SLC35F3: variants seen among roughly 807,000 people sequenced by gnomAD.
SLC35F3 encodes solute carrier family 35 member F3, also known as putative thiamine transporter SLC35F3.
SLC35F3 carries 25 observed loss-of-function variants against 49.9 expected under a neutral mutation model. The ratio of observed to expected loss-of-function variants is 0.50; its 90% CI spans 0.37 to 0.70. The LOEUF is 0.70. SLC35F3 is among the 30% of genes least tolerant of loss of function. SLC35F3 has a pLI of 0.00. For synonymous variants in SLC35F3, 275 were observed against 265.4 expected (o/e 1.04, Z -0.35); for missense variants, 525 against 639.8 (o/e 0.82, Z 1.94).
chr1:234,232,535 A>AG (rs1280270505), intron 3 of SLC35F3, among the ~76,000 whole-genome samples: 360 of 144,780 alleles, frequency 2.5e-3, no homozygotes, highest in African/African-American at 7.9e-3. Flanking sequence ...AAAAAAAAAA[A>AG]AAAAAGAAAA....
At chr1:233,913,491 A>G (rs1057289109) in intron 2 of SLC35F3, among the ~76,000 whole-genome samples, 9 of 152,214 alleles carry the variant, frequency 5.9e-5, no homozygotes, top group Admixed American at 2.6e-4. Context: ...TTGCAGATAG[A>G]AAGCTCTCTA....
At chr1:234,200,741 T>C (rs1405059504) in intron 2 of SLC35F3, among the ~76,000 whole-genome samples, 1 of 152,226 alleles carries the variant, frequency 6.6e-6, no homozygotes, top group Non-Finnish European at 1.5e-5. Flanking sequence ...GCCTCTTTAT[T>C]TTACCTCCAG....
At chr1:234,181,853 C>T (rs933894048) in intron 2 of SLC35F3, among the ~76,000 whole-genome samples, 1 of 152,110 alleles carries the variant, frequency 6.6e-6, no homozygotes, top group African/African-American at 2.4e-5. Flanking sequence ...TCACAAAATA[C>T]ATATTGTCTG....
intron 2 of SLC35F3, among the ~76,000 whole-genome samples, chr1:233,951,954 T>A (rs770446488): frequency 2.8e-4 from 42 of 152,184 alleles, no homozygotes; most frequent in Non-Finnish European, 4.8e-4. Flanking sequence ...GGATTTCAAT[T>A]ATATATATGT....
At chr1:234,310,798 AT>A (rs976791146) in intron 4 of SLC35F3, among the ~76,000 whole-genome samples, 4 of 152,046 alleles carry the variant, frequency 2.6e-5, no homozygotes, top group African/African-American at 7.2e-5. Flanking sequence ...GAAGAAACCC[AT>A]TTTTTTTGAG....
At chr1:234,312,291 A>T (rs1657376326) in intron 4 of SLC35F3, among the ~76,000 whole-genome samples, 1 of 152,172 alleles carries the variant, frequency 6.6e-6, no homozygotes, top group Non-Finnish European at 1.5e-5. Context: ...TCTTTAAACC[A>T]GGAGGGACGG....
At chr1:234,240,879 T>C (rs1667544932) in intron 3 of SLC35F3, among the ~76,000 whole-genome samples, 1 of 152,146 alleles carries the variant, frequency 6.6e-6, no homozygotes, top group South Asian at 2.1e-4. Flanking sequence ...GAGATGAACT[T>C]TGAGACAAGT....
chr1:234,167,254 C>A (rs1276126311), intron 2 of SLC35F3, among the ~76,000 whole-genome samples: 3 of 152,184 alleles, frequency 2.0e-5, no homozygotes, highest in Non-Finnish European at 4.4e-5. Flanking sequence ...TCTATGTCAC[C>A]ATGTCTCATT....
intron 2 of SLC35F3, among the ~76,000 whole-genome samples, chr1:234,169,758 CTGTTT>C (rs112663821): frequency 2.6e-5 from 4 of 152,106 alleles, no homozygotes; most frequent in East Asian, 1.9e-4. Context: ...AGGGGAACAT[CTGTTT>C]TGTTTTGTTT....
intron 3 of SLC35F3, among the ~76,000 whole-genome samples, chr1:234,275,115 C>A (rs1370405205): frequency 2.0e-5 from 3 of 152,178 alleles, no homozygotes; most frequent in African/African-American, 7.2e-5. Flanking sequence ...ACCGACAAGA[C>A]CCAAGTGGAA....
rs573228294 is a variant in SLC35F3 at position 234,292,691 on chromosome 1, G to A, written c.609-16410G>A. Among the ~76,000 whole-genome samples, 3 of 152,316 alleles carry A rather than the reference G, an allele frequency of 2.0e-5. No individual in the cohort carries two copies. The South Asian group carries it at 6.2e-4, about 32-fold the overall frequency. Reference sequence around the variant, plus strand: ...CTAGGGTGGTTTTAATATGCTCGGTGAGAAGCTTTGCTGCTGTTTAGAGTT... The same window carrying A: ...CTAGGGTGGTTTTAATATGCTCGGTAAGAAGCTTTGCTGCTGTTTAGAGTT... On this transcript the variant is annotated intron_variant, in intron 3 of 7. Transcript: ENST00000366618.
At chr1:233,991,290 G>A (rs1052064605) in intron 2 of SLC35F3, among the ~76,000 whole-genome samples, 1 of 152,108 alleles carries the variant, frequency 6.6e-6, no homozygotes, top group Non-Finnish European at 1.5e-5. Context: ...TCCCACAAAT[G>A]CTTACCCTCT....
intron 2 of SLC35F3, among the ~76,000 whole-genome samples, chr1:233,934,405 A>G (rs925737710): frequency 1.3e-5 from 2 of 152,220 alleles, no homozygotes; most frequent in South Asian, 4.1e-4. Context: ...AACCTTCACG[A>G]ATACACCCAT....
intron 2 of SLC35F3, among the ~76,000 whole-genome samples, chr1:234,023,941 G>A (rs1663938191): frequency 1.3e-5 from 2 of 152,062 alleles, no homozygotes; most frequent in African/African-American, 4.8e-5. Context: ...TCAGCCAAGT[G>A]GAACCTAAGG....
At chr1:234,178,613 C>T (rs1666512111) in intron 2 of SLC35F3, among the ~76,000 whole-genome samples, 1 of 152,032 alleles carries the variant, frequency 6.6e-6, no homozygotes, top group South Asian at 2.1e-4. Flanking sequence ...CATTCATGAA[C>T]CCATACTGAC....
chr1:234,090,129 T>C (rs1665019757), intron 2 of SLC35F3, among the ~76,000 whole-genome samples: 1 of 152,272 alleles, frequency 6.6e-6, no homozygotes, highest in Non-Finnish European at 1.5e-5. Context: ...GAGAGCCTTT[T>C]GAGGTTGGTG....
intron 2 of SLC35F3, among the ~76,000 whole-genome samples, chr1:233,928,832 T>C (rs886657639): frequency 2.4e-4 from 36 of 152,172 alleles, no homozygotes; most frequent in African/African-American, 8.7e-4. Context: ...AGCGAGCTGT[T>C]ACTGTGTAAT....
intron 2 of SLC35F3, among the ~76,000 whole-genome samples, chr1:233,975,825 C>T (rs1663070479): frequency 6.6e-6 from 1 of 152,186 alleles, no homozygotes; most frequent in Admixed American, 6.5e-5. Flanking sequence ...AGGGGTGGAA[C>T]TGGACAGCCC....
chr1:233,962,805 C>T (rs1662826423), intron 2 of SLC35F3, among the ~76,000 whole-genome samples: 1 of 152,208 alleles, frequency 6.6e-6, no homozygotes, highest in Non-Finnish European at 1.5e-5. Flanking sequence ...CTCTACAGTG[C>T]ATTCCTTTTC....
Sources: allele counts gnomAD v4.1 joint callset (sites outside exome capture counted in the v4.1 genomes callset), GRCh38; gene constraint gnomAD v4.1.1; transcripts MANE v1.5; gene names NCBI Gene and HGNC (gene_info 2026-07-23, HGNC 2026-07-21).